Variants in RAC2 observed in about 807,000 individuals in gnomAD.
RAC2 encodes Rac family small GTPase 2.
In RAC2, 1 loss-of-function variant was observed where a neutral mutation model predicts 24.0. The observed-to-expected ratio is 0.04, with a 90% confidence interval of 0.01 to 0.20. The LOEUF (loss-of-function observed/expected upper bound fraction) is 0.20, where lower values mean the gene tolerates loss of function less well. Ranked by LOEUF, RAC2 falls within the 10% of genes least tolerant of loss-of-function variation. The pLI is 1.00. For synonymous variants in RAC2, 114 were observed against 106.8 expected, an observed-to-expected ratio of 1.07 and a Z score of -0.41; for missense variants, 130 against 259.1, an observed-to-expected ratio of 0.50 and a Z score of 3.42.
At position 37,231,316 on chromosome 22, in the gene RAC2, G is replaced by A. The variant is rs771516943; in HGVS notation, c.363C>T (p.Asp121=). ...TCAGTTTCTCGATGGTGTCCTTGTC[G>A]TCCCGCAGGTCCAGCTTGGTGCCCA... ...ILVGTKLDLR[D]DKDTIEKLKE... The change falls in exon 5 of 7, where the codon GAC becomes GAT. Residue 121 remains aspartate (D), a synonymous_variant. Transcript: ENST00000249071. This position sits in a 1 kb window ranked among gnomAD's most constrained non-coding sequence, Gnocchi z 5.5. 3.6e-5 allele frequency: 58 copies of A among 1,614,114 alleles called. No homozygotes were observed. Among genetic ancestry groups the A allele is most frequent in the Admixed American group, 1.0e-4 (6 of 60,014 alleles).
intron 2 of RAC2, among the ~76,000 whole-genome samples, chr22:37,236,229 C>T (rs552112981): frequency 3.3e-5 from 5 of 152,334 alleles, no homozygotes; most frequent in African/African-American, 7.2e-5. Context: ...AGAAGCTAAG[C>T]AGTCTCATTT....
intron 2 of RAC2, among the ~76,000 whole-genome samples, chr22:37,239,406 A>T (rs1379249034): frequency 6.6e-6 from 1 of 152,230 alleles, no homozygotes; most frequent in African/African-American, 2.4e-5. Context: ...CCCTACTGGG[A>T]TACCTTCACC....
At chr22:37,234,838 T>C (rs1199801007) in intron 2 of RAC2, among the ~76,000 whole-genome samples, 1 of 152,124 alleles carries the variant, frequency 6.6e-6, no homozygotes. Flanking sequence ...CAGCCCCATT[T>C]CACTCCCAAC....
chr22:37,232,685 T>C, intron 3 of RAC2, 116 bp downstream of exon 3: 1 of 822,132 alleles, frequency 1.2e-6, no homozygotes, highest in South Asian at 1.4e-5. Flanking sequence ...CTCCCTGAGC[T>C]GGGCCTTAAG....
At chr22:37,230,291 C>T (rs1159170342) in intron 5 of RAC2, among the ~76,000 whole-genome samples, 2 of 119,544 alleles carry the variant, frequency 1.7e-5, no homozygotes, top group East Asian at 2.8e-4. Flanking sequence ...GGCGGTGGGG[C>T]GGGAGGAGGT....
chr22:37,228,014 C>T (rs1392936567), intron 5 of RAC2, among the ~76,000 whole-genome samples: 5 of 152,152 alleles, frequency 3.3e-5, no homozygotes, highest in African/African-American at 1.2e-4. Context: ...AATTGTCTTG[C>T]CCATCCCTCC....
chr22:37,234,276 G>A (rs1003992620), intron 2 of RAC2, among the ~76,000 whole-genome samples: 2 of 152,330 alleles, frequency 1.3e-5, no homozygotes, highest in South Asian at 2.1e-4. Flanking sequence ...CTCCAAGCTC[G>A]GAATAGGGGA....
At chr22:37,235,870 G>A (rs942216483) in intron 2 of RAC2, among the ~76,000 whole-genome samples, 5 of 152,194 alleles carry the variant, frequency 3.3e-5, no homozygotes, top group Non-Finnish European at 5.9e-5. Context: ...AAAGAGCTGG[G>A]ACCTTGAGAA....
At chr22:37,227,926 G>A (rs1274173294) in intron 5 of RAC2, among the ~76,000 whole-genome samples, 2 of 152,128 alleles carry the variant, frequency 1.3e-5, no homozygotes, top group Non-Finnish European at 2.9e-5. Flanking sequence ...GAAGGAGGGC[G>A]GGAATTTTGA....
At chr22:37,232,407 T>A in intron 3 of RAC2, 3 of 417,040 alleles carry the variant, frequency 7.2e-6, no homozygotes, top group South Asian at 6.6e-5. Context: ...CCTCCCTGCA[T>A]ACCCTGGAGG....
intron 2 of RAC2, among the ~76,000 whole-genome samples, chr22:37,235,864 A>C (rs2145827152): frequency 6.6e-6 from 1 of 152,320 alleles, no homozygotes; most frequent in South Asian, 2.1e-4. Context: ...ATGGGGAAAG[A>C]GCTGGGACCT....
intron 1 of RAC2, among the ~76,000 whole-genome samples, chr22:37,242,670 C>T (rs1007832645): frequency 6.6e-6 from 1 of 152,260 alleles, no homozygotes; most frequent in Non-Finnish European, 1.5e-5. Context: ...TTGACTTCCG[C>T]CCGCCCCTCC....
chr22:37,243,166 T>C (rs2145832324), intron 1 of RAC2, among the ~76,000 whole-genome samples: 1 of 152,264 alleles, frequency 6.6e-6, no homozygotes, highest in South Asian at 2.1e-4. Flanking sequence ...ACTCCTGGCT[T>C]AAAAAAATTT....
chr22:37,240,998 A>C (rs1414286483), intron 2 of RAC2: 4 of 716,574 alleles, frequency 5.6e-6, no homozygotes, highest in Non-Finnish European at 7.8e-6. Flanking sequence ...CATGCTAGGG[A>C]GTCGGGGAAA....
chr22:37,229,131 T>TG (rs1291197753), intron 5 of RAC2, among the ~76,000 whole-genome samples: 1 of 152,344 alleles, frequency 6.6e-6, no homozygotes, highest in Admixed American at 6.5e-5. Flanking sequence ...GGTCCTGAGC[T>TG]GGGGGGCCAG....
chr22:37,228,540 C>A (rs1463074838), intron 5 of RAC2, among the ~76,000 whole-genome samples: 4 of 152,340 alleles, frequency 2.6e-5, no homozygotes, highest in African/African-American at 7.2e-5. Flanking sequence ...GAACTCTGGG[C>A]CCTCCGCCAA....
chr22:37,226,554 T>A, intron 6 of RAC2, 117 bp downstream of exon 6: 1 of 1,383,474 alleles, frequency 7.2e-7, no homozygotes, highest in Non-Finnish European at 9.9e-7. Context: ...TGAGGCAACC[T>A]CCATACCCAC....
At chr22:37,227,748 T>G (rs2056656358) in intron 5 of RAC2, among the ~76,000 whole-genome samples, 1 of 139,488 alleles carries the variant, frequency 7.2e-6, no homozygotes, top group African/African-American at 2.7e-5. Flanking sequence ...GGGGCCGCCA[T>G]CCAGTCCCAG....
chr22:37,240,928 A>G (rs1335691594), intron 2 of RAC2: 2 of 679,468 alleles, frequency 2.9e-6, no homozygotes, highest in East Asian at 5.4e-5. Flanking sequence ...TGTGAAGCAA[A>G]GTAATGGGTA....
Sources: allele counts gnomAD v4.1 joint callset (sites outside exome capture counted in the v4.1 genomes callset), GRCh38; gene constraint gnomAD v4.1.1; non-coding constraint Gnocchi (gnomAD v3.1); transcripts MANE v1.5; gene names NCBI Gene and HGNC (gene_info 2026-07-23, HGNC 2026-07-21).